The following AFF4 variants were observed in gnomAD, a reference collection of about 807,000 sequenced individuals.
AFF4 encodes AF4/FMR2 family member 4.
In AFF4, 13 loss-of-function variants were observed where a neutral mutation model predicts 124.8. The observed-to-expected ratio is 0.10, with a 90% CI of 0.07 to 0.17. The LOEUF (loss-of-function observed/expected upper bound fraction) is 0.17, where lower values mean the gene tolerates loss of function less well. Among genes scored for constraint, AFF4 ranks in the 10% least tolerant of loss-of-function variants. The pLI is 1.00. For missense variants in AFF4, 1,092 were observed against 1,403.8 expected, an observed-to-expected ratio of 0.78 and a Z score of 3.55; for synonymous variants, 477 against 496.1, an observed-to-expected ratio of 0.96 and a Z score of 0.51.
At chr5:132,899,236 G>T in intron 8 of AFF4, 95 bp from the exon 9 acceptor site, 1 of 1,214,304 alleles carries the variant, frequency 8.2e-7, no homozygotes, top group East Asian at 2.4e-5. Flanking sequence ...AGAAAAAACT[G>T]GATTCTCTAA....
Position 132,899,522 on chromosome 5 carries a change from C to A in AFF4, c.1188+65G>T, listed in dbSNP as rs550683702. On this transcript the variant is annotated intron_variant, in intron 8 of 20. Coordinates refer to ENST00000265343, the MANE Select transcript of AFF4 (RefSeq NM_014423.4). ...AGTAATAAATGCATTATTCAATTAT[C>A]ATTTTTATAAAATACAATGAAAATA... The A allele has an allele frequency of 4.4e-6, 6 of 1,371,870 alleles. No individual in the cohort carries two copies. In the African/African-American group the frequency reaches 5.8e-5, roughly 13 times the overall value. The allele number at this position is 1,371,870 out of a possible 1,614,324, so 85.0% of individuals were successfully genotyped here.
Position 132,899,215 on chromosome 5 carries a change from G to A in AFF4, c.1189-74C>T, listed in dbSNP as rs1760487219. 14 of 1,424,176 alleles carry A rather than the reference G, an allele frequency of 9.8e-6. No individual in the cohort carries two copies. In the South Asian group the frequency reaches 1.3e-4, roughly 13 times the overall value. 88.2% of individuals were successfully genotyped at this position (1,424,176 alleles called of 1,614,324 possible). A position where few individuals can be genotyped will look rare whatever the true frequency, so the allele number is the denominator to read the frequency against. On this transcript the variant is annotated intron_variant, in intron 8 of 20. Coordinates refer to ENST00000265343, the MANE Select transcript of AFF4 (RefSeq NM_014423.4). ...TATTTGCTTAGTGTGAATAATATCTGAACTCTTAACAGAAAAAACTGGATT... is the reference window on the plus strand; with the variant it reads ...TATTTGCTTAGTGTGAATAATATCTAAACTCTTAACAGAAAAAACTGGATT...
intron 5 of AFF4, among the ~76,000 whole-genome samples, chr5:132,910,515 G>A (rs1173552310): frequency 6.6e-6 from 1 of 152,124 alleles, no homozygotes; most frequent in Non-Finnish European, 1.5e-5. Flanking sequence ...ATTGGACTTG[G>A]TACATATAGT....
chr5:132,950,595 G>A (rs1229119765), intron 1 of AFF4, among the ~76,000 whole-genome samples: 2 of 152,178 alleles, frequency 1.3e-5, no homozygotes, highest in Non-Finnish European at 2.9e-5. Context: ...GTTGCAGTGA[G>A]CCAAGATTGC....
At position 132,899,130 on chromosome 5, in the gene AFF4, C is replaced by A; in HGVS notation, c.1200G>T (p.Lys400Asn). 1 of 1,613,076 alleles carries A rather than the reference C, an allele frequency of 6.2e-7. No individual in the cohort carries two copies. Among genetic ancestry groups the A allele is most frequent in the Non-Finnish European group, 8.5e-7 (1 of 1,179,324 alleles). ...TTCCTGGTGTACTCCTCGGCATTGT[C>A]TTATCACAATCCTAAAATTAAAACA... ...EDSDGEQDCD[K>N]TMPRSTPGSN... Residue 400 changes from lysine to asparagine, a missense_variant, in exon 9 of 21, where the codon AAG (lysine) becomes AAT (asparagine). By Grantham distance (94) the Lys-to-Asn change is moderately conservative. Coordinates refer to ENST00000265343, the MANE Select transcript of AFF4 (RefSeq NM_014423.4).
chr5:132,917,705 C>CTTTTTTT (rs58145774), intron 5 of AFF4, among the ~76,000 whole-genome samples: 7 of 74,050 alleles, frequency 9.5e-5, no homozygotes, highest in Non-Finnish European at 1.3e-4. Flanking sequence ...CTTTTCTTTT[C>CTTTTTTT]TTTTTTTTTT....
chr5:132,949,102 G>A (rs1389482841), intron 1 of AFF4, among the ~76,000 whole-genome samples: 1 of 151,116 alleles, frequency 6.6e-6, no homozygotes, highest in African/African-American at 2.4e-5. Flanking sequence ...ACTGCTACTA[G>A]ACAAAAAAGA....
At position 132,882,953 on chromosome 5, in the gene AFF4, T is replaced by C. The variant is rs1453369283; in HGVS notation, c.3364+387A>G. On this transcript the variant is annotated intron_variant, in intron 20 of 20. Coordinates refer to ENST00000265343, the MANE Select transcript of AFF4 (RefSeq NM_014423.4). ...AAAATCCAGTATGAGCATGCTTTCT[T>C]ATACATTAACCTTCTCAGATGTACA... Among the ~76,000 whole-genome samples, 3 of 152,282 alleles carry C rather than the reference T, an allele frequency of 2.0e-5. No homozygotes were observed. The East Asian group carries it at 5.8e-4, about 29-fold the overall frequency.
At chr5:132,959,553 A>G (rs1287861920) in intron 1 of AFF4, among the ~76,000 whole-genome samples, 3 of 152,108 alleles carry the variant, frequency 2.0e-5, no homozygotes, top group African/African-American at 7.2e-5. Flanking sequence ...GGAGGTTCTA[A>G]TATTTTCTGT....
Position 132,934,654 on chromosome 5 carries a change from G to A in AFF4, c.411C>T (p.Ser137=), listed in dbSNP as rs776471901. The change falls in exon 3 of 21, where the codon AGC becomes AGT. Residue 137 remains serine, a synonymous_variant. Coordinates refer to ENST00000265343, the MANE Select transcript of AFF4 (RefSeq NM_014423.4). The stretch of plus-strand genomic sequence containing the variant: ...TGTTAGTGCCACTACTGCTACCTGC[G>A]CTGGTCCGCTGGCTACTATGTCCAC... ...LQSGHSSQRT[S]AGSSSGTNSS... is the part of the protein sequence containing the mutation. 2.1e-5 allele frequency: 34 copies of A among 1,613,940 alleles called. No individual in the cohort carries two copies. The highest frequency in any genetic ancestry group is 3.3e-4 in the Middle Eastern group (2 of 6,084).
At chr5:132,931,120 A>T (rs1484381573) in intron 4 of AFF4, among the ~76,000 whole-genome samples, 4 of 150,306 alleles carry the variant, frequency 2.7e-5, no homozygotes, top group Admixed American at 6.6e-5. Flanking sequence ...AAAAAAAAAA[A>T]AAATGTGTAA....
rs965409960 is a variant in AFF4, at chr5:132,922,258, A to G, written c.1050+4863T>C. 6.6e-5 allele frequency among the ~76,000 whole-genome samples: 10 copies of G among 152,270 alleles called. No homozygotes were observed. In the East Asian group the frequency reaches 1.7e-3, roughly 26 times the overall value. On this transcript the variant is annotated intron_variant, in intron 5 of 20. Coordinates refer to ENST00000265343, the MANE Select transcript of AFF4 (RefSeq NM_014423.4). ...TGTGGCAAAACCTCGTCTCTACAAA[A>G]AAATACAAAAATCAGCCAGACATAG...
chr5:132,883,593 G>A (rs1440193003), intron 19 of AFF4, 33 bp from the exon 20 acceptor site: 3 of 1,588,966 alleles, frequency 1.9e-6, no homozygotes, highest in Admixed American at 3.4e-5. Flanking sequence ...TTGTTCATAT[G>A]GACATGGTAA....
intron 1 of AFF4, among the ~76,000 whole-genome samples, chr5:132,954,026 T>C (rs962034262): frequency 1.3e-5 from 2 of 152,192 alleles, no homozygotes; most frequent in African/African-American, 4.8e-5. Context: ...CTGACTCTTG[T>C]CTCCTCATCA....
chr5:132,909,607 G>A (rs1306843427), intron 5 of AFF4, among the ~76,000 whole-genome samples: 1 of 152,168 alleles, frequency 6.6e-6, no homozygotes, highest in Admixed American at 6.5e-5. Context: ...TCATTTTTAA[G>A]TGGGATAACT....
At position 132,880,011 on chromosome 5, in the gene AFF4, T is replaced by A; in HGVS notation, c.*1048A>T. 2.6e-6 allele frequency: 1 copy of A among 389,162 alleles called. No individual in the cohort carries two copies. Among genetic ancestry groups the A allele is most frequent in the Non-Finnish European group, 4.5e-6 (1 of 220,236 alleles). 24.1% of individuals were successfully genotyped at this position (389,162 alleles called of 1,614,324 possible). A position where few individuals can be genotyped will look rare whatever the true frequency, so the allele number is the denominator to read the frequency against. ...ACCGAAGCTCCAGCCTATTTCTGTA[T>A]CAGTCATTGCATGCTCATATCAGAG... is the stretch of plus-strand genomic sequence containing the variant. On this transcript the variant is annotated 3_prime_UTR_variant, in exon 21 of 21. Transcript: ENST00000265343.
rs756315892 is a variant in AFF4 at position 132,883,582 on chromosome 5, C to T, written c.3144-22G>A. 12 of 1,606,714 alleles carry T rather than the reference C, an allele frequency of 7.5e-6. No homozygotes were observed. The South Asian group carries it at 1.3e-4, about 18-fold the overall frequency. ...TTTGCTACACAACAGAAATAGGAAGCTTGTTCATATGGACATGGTAAGCAT... is the reference window on the plus strand; with the variant it reads ...TTTGCTACACAACAGAAATAGGAAGTTTGTTCATATGGACATGGTAAGCAT... On this transcript the variant is annotated intron_variant, in intron 19 of 20. Transcript: ENST00000265343.
In AFF4 at chr5:132,951,129, G is replaced by A. The variant is rs1013764635; in HGVS notation, c.-5+12130C>T. On this transcript the variant is annotated intron_variant, in intron 1 of 20. Transcript: ENST00000265343. ...AGTCCTAGCTACTCAGGAAGCTGAA[G>A]CAGGAGAATCGCTTGAACCAGGAGG... Among the ~76,000 whole-genome samples the A allele has an allele frequency of 2.0e-5, 3 of 151,982 alleles. No individual in the cohort carries two copies. The East Asian group carries it at 5.8e-4, about 29-fold the overall frequency.
intron 1 of AFF4, among the ~76,000 whole-genome samples, chr5:132,949,621 G>A (rs1004715912): frequency 6.6e-6 from 1 of 151,612 alleles, no homozygotes; most frequent in Non-Finnish European, 1.5e-5. Context: ...ACCATCCTGC[G>A]GGTGGATCAC....
Sources: gnomAD v4.1 joint callset for allele counts (sites outside exome capture counted in the v4.1 genomes callset) on GRCh38, gnomAD v4.1.1 for gene constraint, MANE v1.5 for transcripts, NCBI Gene and HGNC (gene_info 2026-07-23, HGNC 2026-07-21) for gene names.